Variants in FHIT observed in about 807,000 individuals in gnomAD.
FHIT encodes bis(5'-adenosyl)-triphosphatase.
A neutral mutation model predicts 17.9 loss-of-function variants in FHIT; 19 were observed. That is an observed-to-expected ratio of 1.06 (90% CI 0.74 to 1.56). FHIT has a LOEUF of 1.56. Among genes scored for constraint, FHIT ranks in the 40% most tolerant of loss-of-function variants. The pLI is 0.00. For synonymous variants in FHIT, 81 were observed against 69.7 expected, an observed-to-expected ratio of 1.16 and a Z score of -0.81; for missense variants, 248 against 189.2, an observed-to-expected ratio of 1.31 and a Z score of -1.82.
At chr3:59,968,316 A>G (rs1163393362) in intron 7 of FHIT, among the ~76,000 whole-genome samples, 1 of 152,082 alleles carries the variant, frequency 6.6e-6, no homozygotes, top group African/African-American at 2.4e-5. Flanking sequence ...GATTTTTGAT[A>G]AAGTAAAGGC....
At chr3:60,132,939 C>G (rs1699655056) in intron 5 of FHIT, among the ~76,000 whole-genome samples, 1 of 152,104 alleles carries the variant, frequency 6.6e-6, no homozygotes, top group African/African-American at 2.4e-5. Context: ...AGTTAGATTA[C>G]TGAAGACAAA....
At chr3:59,945,747 T>G (rs1486200675) in intron 7 of FHIT, among the ~76,000 whole-genome samples, 1 of 152,236 alleles carries the variant, frequency 6.6e-6, no homozygotes, top group Non-Finnish European at 1.5e-5. Context: ...TTCAGTCTTC[T>G]GCATATGGCT....
intron 5 of FHIT, among the ~76,000 whole-genome samples, chr3:60,042,404 G>C (rs2106838091): frequency 1.3e-5 from 2 of 152,252 alleles, no homozygotes; most frequent in African/African-American, 4.8e-5. Flanking sequence ...TTAGAAAAGA[G>C]ACATGTACGA....
intron 4 of FHIT, among the ~76,000 whole-genome samples, chr3:60,658,733 ACT>A (rs2040172776): frequency 1.3e-5 from 2 of 152,132 alleles, no homozygotes; most frequent in East Asian, 3.9e-4. Context: ...TAGCTTTTAG[ACT>A]AATAATTTAA....
At chr3:61,106,092 G>C (rs893844227) in intron 2 of FHIT, among the ~76,000 whole-genome samples, 3 of 152,144 alleles carry the variant, frequency 2.0e-5, no homozygotes, top group African/African-American at 7.2e-5. Flanking sequence ...CTGAGAGCCT[G>C]AATTTCTACA....
chr3:60,130,980 T>TAC (rs1292185090), intron 5 of FHIT, among the ~76,000 whole-genome samples: 7 of 128,922 alleles, frequency 5.4e-5, no homozygotes, highest in African/African-American at 1.5e-4. Context: ...GGTATATATA[T>TAC]ACACATATAT....
intron 5 of FHIT, among the ~76,000 whole-genome samples, chr3:60,525,920 T>C (rs1576813576): frequency 1.3e-5 from 2 of 152,158 alleles, no homozygotes; most frequent in East Asian, 1.9e-4. Flanking sequence ...CTGAGCAACA[T>C]GGTGAAACCT....
At chr3:60,532,129 G>A (rs771554236) in intron 5 of FHIT, among the ~76,000 whole-genome samples, 1 of 152,120 alleles carries the variant, frequency 6.6e-6, no homozygotes, top group Non-Finnish European at 1.5e-5. Flanking sequence ...ATAAACTGTT[G>A]ACGTATGATT....
rs1033690301 is a variant in FHIT at position 60,009,949 on chromosome 3, T to C, written c.279+1422A>G. ...TATTCATATAAGTTTTAGCTATGCT[T>C]ACTATGCACCTATTATCATTCTGTG... On this transcript the variant is annotated intron_variant, in intron 7 of 9. Coordinates refer to ENST00000492590, the MANE Select transcript of FHIT (RefSeq NM_002012.4). Among the ~76,000 whole-genome samples, 10 of 152,340 alleles carry C rather than the reference T, an allele frequency of 6.6e-5. No individual in the cohort carries two copies. The South Asian group carries it at 1.2e-3, about 19-fold the overall frequency.
chr3:60,283,512 A>C (rs1707567346), intron 5 of FHIT, among the ~76,000 whole-genome samples: 3 of 152,114 alleles, frequency 2.0e-5, no homozygotes, highest in African/African-American at 7.2e-5. Flanking sequence ...TAATTCCAGG[A>C]CCCAATTTTG....
chr3:60,992,890 A>G (rs2107586369), intron 3 of FHIT, among the ~76,000 whole-genome samples: 1 of 152,314 alleles, frequency 6.6e-6, no homozygotes, highest in South Asian at 2.1e-4. Flanking sequence ...ACTTTCTGGC[A>G]TTTCAATAAA....
intron 5 of FHIT, among the ~76,000 whole-genome samples, chr3:60,468,492 G>A (rs536588154): frequency 2.6e-5 from 4 of 152,070 alleles, no homozygotes; most frequent in South Asian, 2.1e-4. Flanking sequence ...AGTGTACTGT[G>A]AGGCTTGCAA....
chr3:59,753,824 T>C (rs896358819), intron 8 of FHIT, among the ~76,000 whole-genome samples: 2 of 152,144 alleles, frequency 1.3e-5, no homozygotes, highest in African/African-American at 4.8e-5. Flanking sequence ...CCCAGCTAGG[T>C]AGTGGGGTAG....
intron 8 of FHIT, among the ~76,000 whole-genome samples, chr3:59,783,267 G>A (rs1331829470): frequency 1.3e-5 from 2 of 152,078 alleles, no homozygotes; most frequent in East Asian, 3.9e-4. Flanking sequence ...TCAAGAGATC[G>A]AGACCATCCT....
chr3:60,628,581 A>C (rs762231309), intron 4 of FHIT, among the ~76,000 whole-genome samples: 68 of 152,142 alleles, frequency 4.5e-4, no homozygotes, highest in Non-Finnish European at 9.1e-4. Flanking sequence ...TTTGGGAGTT[A>C]GATCTTCAGG....
At chr3:60,196,092 C>T (rs1285257357) in intron 5 of FHIT, among the ~76,000 whole-genome samples, 1 of 152,138 alleles carries the variant, frequency 6.6e-6, no homozygotes, top group African/African-American at 2.4e-5. Flanking sequence ...TGAGGATGGA[C>T]ATATTAGTTT....
chr3:60,181,926 T>C (rs1337391841), intron 5 of FHIT, among the ~76,000 whole-genome samples: 1 of 152,184 alleles, frequency 6.6e-6, no homozygotes, highest in Non-Finnish European at 1.5e-5. Context: ...AATCACCTTA[T>C]GCATGATGCT....
Position 60,441,856 on chromosome 3 carries a change from T to G in FHIT, c.103+95004A>C, listed in dbSNP as rs534909864. 3.2e-3 allele frequency among the ~76,000 whole-genome samples: 399 copies of G among 123,078 alleles called. 4 individuals carry two copies. Among genetic ancestry groups the G allele is most frequent in the African/African-American group, 0.011 (380 of 33,856 alleles). The allele number at this position is 123,078 out of a possible 152,430, so 80.7% of individuals were successfully genotyped here. ...CCCGCTCATTCTTTTTTTAGTTGTGTTTTTTTTTTTTTAATTTTAAGAGAC... is the reference window on the plus strand; with the variant it reads ...CCCGCTCATTCTTTTTTTAGTTGTGGTTTTTTTTTTTTAATTTTAAGAGAC... On this transcript the variant is annotated intron_variant, in intron 5 of 9. Transcript: ENST00000492590.
At chr3:60,816,850 T>C (rs6782022) in intron 4 of FHIT, among the ~76,000 whole-genome samples, 50,861 of 151,876 alleles carry the variant, frequency 0.33, 9,163 homozygotes, top group Middle Eastern at 0.4. Context: ...ATGACACTGC[T>C]ACATTTTAAT....
Sources: allele counts gnomAD v4.1 joint callset (sites outside exome capture counted in the v4.1 genomes callset), GRCh38; gene constraint gnomAD v4.1.1; transcripts MANE v1.5; gene names NCBI Gene and HGNC (gene_info 2026-07-23, HGNC 2026-07-21).